The following CNBD1 variants were observed in gnomAD, a reference collection of about 807,000 sequenced individuals.
CNBD1 encodes the protein cyclic nucleotide-binding domain-containing protein 1.
Under a neutral mutation model 54.4 loss-of-function variants are expected in CNBD1, and 71 were observed. The observed-to-expected ratio is 1.30, with a 90% CI of 1.08 to 1.59. The LOEUF (loss-of-function observed/expected upper bound fraction) is 1.59, where lower values mean the gene tolerates loss of function less well. Among genes scored for constraint, CNBD1 ranks in the 40% most tolerant of loss-of-function variants. The pLI is 0.00. For synonymous variants in CNBD1, 182 were observed against 170.7 expected (o/e 1.07, Z -0.51); for missense variants, 659 against 518.0 (o/e 1.27, Z -2.64).
intron 5 of CNBD1, among the ~76,000 whole-genome samples, chr8:87,232,737 A>G (rs1259582164): frequency 6.6e-6 from 1 of 152,154 alleles, no homozygotes; most frequent in Non-Finnish European, 1.5e-5. Flanking sequence ...ATGCAAATAT[A>G]CTGTATCCCA....
At chr8:87,066,071 A>G (rs1810646781) in intron 4 of CNBD1, among the ~76,000 whole-genome samples, 1 of 152,026 alleles carries the variant, frequency 6.6e-6, no homozygotes, top group Non-Finnish European at 1.5e-5. Context: ...TTAGTGACCC[A>G]GTGTTGTCAG....
intron 2 of CNBD1, among the ~76,000 whole-genome samples, chr8:87,391,234 A>C (rs1052939196): frequency 6.6e-6 from 1 of 150,560 alleles, no homozygotes; most frequent in African/African-American, 2.5e-5. Flanking sequence ...TAAAACTTAA[A>C]GTATAATAAA....
intron 4 of CNBD1, among the ~76,000 whole-genome samples, chr8:87,096,059 C>T (rs1219490574): frequency 6.6e-6 from 1 of 152,186 alleles, no homozygotes; most frequent in Non-Finnish European, 1.5e-5. Context: ...TTCTCTGCCC[C>T]TGGAATCATC....
At chr8:87,109,856 C>G (rs1179995967) in intron 4 of CNBD1, among the ~76,000 whole-genome samples, 2 of 151,976 alleles carry the variant, frequency 1.3e-5, no homozygotes, top group Non-Finnish European at 2.9e-5. Context: ...GTTTTTTGTA[C>G]ACAGAATCCT....
intron 4 of CNBD1, among the ~76,000 whole-genome samples, chr8:87,113,398 C>G (rs1397716324): frequency 6.6e-6 from 1 of 152,134 alleles, no homozygotes; most frequent in East Asian, 1.9e-4. Flanking sequence ...CTGACTGTTT[C>G]CTCTACAGTA....
chr8:86,900,320 T>A (rs1808913769), intron 2 of CNBD1, among the ~76,000 whole-genome samples: 1 of 152,200 alleles, frequency 6.6e-6, no homozygotes, highest in African/African-American at 2.4e-5. Flanking sequence ...AAGTTTTTCC[T>A]GAGTCTGTGT....
At chr8:87,095,749 C>T (rs1358537656) in intron 4 of CNBD1, among the ~76,000 whole-genome samples, 1 of 152,172 alleles carries the variant, frequency 6.6e-6, no homozygotes, top group Non-Finnish European at 1.5e-5. Flanking sequence ...GCTCTGCCTC[C>T]TGGGTTTGTG....
chr8:87,289,377 G>A (rs377703362), intron 8 of CNBD1, among the ~76,000 whole-genome samples: 15 of 152,186 alleles, frequency 9.9e-5, no homozygotes, highest in African/African-American at 3.4e-4. Flanking sequence ...TAATTTGGGT[G>A]TGTCCAGTTT....
At chr8:87,076,493 A>G (rs1839116174) in intron 4 of CNBD1, among the ~76,000 whole-genome samples, 1 of 151,580 alleles carries the variant, frequency 6.6e-6, no homozygotes, top group Admixed American at 6.6e-5. Flanking sequence ...CCCAGGCTTG[A>G]GTGCAGTATC....
chr8:87,129,107 CAGA>C lies in CNBD1; in HGVS notation c.432-76883_432-76881del, dbSNP rs1287708109. 1.9e-4 allele frequency among the ~76,000 whole-genome samples: 15 copies of C among 78,448 alleles called. No individual in the cohort carries two copies. The South Asian group carries it at 3.3e-3, about 17-fold the overall frequency. 51.5% of individuals were successfully genotyped at this position (78,448 alleles called of 152,430 possible). On this transcript the variant is annotated intron_variant, in intron 4 of 10. Transcript: ENST00000518476. Reference sequence around the variant, plus strand: ...AAAAAAAAAAGAATTTTGCTATCTTCAGAAGGATATGAATCTGTAATTTTCTTT... The same window carrying C: ...AAAAAAAAAAGAATTTTGCTATCTTCAGGATATGAATCTGTAATTTTCTTT...
chr8:86,994,313 G>A (rs1057019903), intron 4 of CNBD1, among the ~76,000 whole-genome samples: 2 of 152,238 alleles, frequency 1.3e-5, no homozygotes, highest in African/African-American at 4.8e-5. Context: ...GGACAGCAAA[G>A]TCTGTGATGT....
At chr8:87,028,738 G>A (rs73273679) in intron 4 of CNBD1, among the ~76,000 whole-genome samples, 4,570 of 152,236 alleles carry the variant, frequency 0.03, 235 homozygotes, top group African/African-American at 0.1. Context: ...CAATTATTTG[G>A]TACCTTTTTT....
intron 10 of CNBD1, among the ~76,000 whole-genome samples, chr8:87,356,401 T>A (rs77666863): frequency 3.9e-5 from 6 of 152,114 alleles, no homozygotes; most frequent in Non-Finnish European, 8.8e-5. Flanking sequence ...AGGCCTTAGA[T>A]GGAAATGAGG....
chr8:87,047,477 G>C (rs551903943), intron 4 of CNBD1, among the ~76,000 whole-genome samples: 16 of 152,256 alleles, frequency 1.1e-4, no homozygotes, highest in African/African-American at 3.9e-4. Context: ...TACTGTTCGG[G>C]TCAAAGACTA....
At chr8:87,384,424 G>T (rs898977850), downstream of CNBD1, among the ~76,000 whole-genome samples, 2 of 152,010 alleles carry the variant, frequency 1.3e-5, no homozygotes, top group Admixed American at 6.6e-5. Flanking sequence ...TTATACTTCA[G>T]GCAGTGGTAA....
chr8:87,175,680 A>G (rs757551376), intron 4 of CNBD1, among the ~76,000 whole-genome samples: 2 of 152,078 alleles, frequency 1.3e-5, no homozygotes, highest in Non-Finnish European at 2.9e-5. Context: ...CATCAGTTGT[A>G]TTGCCTGGGG....
At chr8:86,914,462 T>G (rs1459911862) in intron 3 of CNBD1, among the ~76,000 whole-genome samples, 1 of 152,194 alleles carries the variant, frequency 6.6e-6, no homozygotes, top group Non-Finnish European at 1.5e-5. Context: ...TATAGCAGGC[T>G]ATACCATTTA....
chr8:87,370,692 A>C (rs36156989), intron 10 of CNBD1, among the ~76,000 whole-genome samples: 45,439 of 149,800 alleles, frequency 0.3, 7,170 homozygotes, highest in Middle Eastern at 0.41. Context: ...GTTCACTCTG[A>C]TGGTAGTTTC....
intron 1 of CNBD1, among the ~76,000 whole-genome samples, chr8:86,868,432 T>A (rs1465771378): frequency 1.3e-5 from 2 of 152,126 alleles, no homozygotes; most frequent in Admixed American, 1.3e-4. Flanking sequence ...AACCTCCGCC[T>A]CCTGGGTTCA....
Sources: allele counts gnomAD v4.1 joint callset (sites outside exome capture counted in the v4.1 genomes callset), GRCh38; gene constraint gnomAD v4.1.1; transcripts MANE v1.5; gene names NCBI Gene and HGNC (gene_info 2026-07-23, HGNC 2026-07-21).